Variants in ACADL observed in about 807,000 individuals in gnomAD.
ACADL encodes the protein acyl-CoA dehydrogenase long chain.
Under a neutral mutation model 56.9 loss-of-function variants are expected in ACADL, and 60 were observed. That is an observed-to-expected ratio of 1.05 (90% CI 0.86 to 1.31). The LOEUF (loss-of-function observed/expected upper bound fraction) is 1.31. Ranked by LOEUF, ACADL falls within the 50% of genes most tolerant of loss-of-function variation. ACADL has a pLI of 0.00. For synonymous variants in ACADL, 158 were observed against 179.7 expected, an observed-to-expected ratio of 0.88 and a Z score of 0.97; for missense variants, 484 against 525.5, an observed-to-expected ratio of 0.92 and a Z score of 0.77.
chr2:210,191,259 A>T (rs1462289519), intron 10 of ACADL, among the ~76,000 whole-genome samples: 1 of 152,084 alleles, frequency 6.6e-6, no homozygotes, highest in Non-Finnish European at 1.5e-5. Flanking sequence ...GAGAAATAGC[A>T]GTCTAGTTTA....
intron 5 of ACADL, among the ~76,000 whole-genome samples, chr2:210,206,852 T>C (rs577849793): frequency 2.6e-5 from 4 of 152,178 alleles, no homozygotes; most frequent in African/African-American, 9.6e-5. Flanking sequence ...GGTGTGACCA[T>C]AGCTCTTTGC....
At chr2:210,216,697 A>G (rs1229249468) in intron 3 of ACADL, 186 bp from the exon 4 acceptor site, 2 of 573,640 alleles carry the variant, frequency 3.5e-6, no homozygotes, top group South Asian at 2.0e-5. Context: ...TTCCAACACA[A>G]TAACAGTGGT....
chr2:210,220,883 G>T, intron 1 of ACADL, 81 bp from the exon 2 acceptor site: 2 of 1,145,946 alleles, frequency 1.7e-6, no homozygotes, highest in Non-Finnish European at 2.5e-6. Context: ...GAACAACATG[G>T]ATTTCTTTCA....
At chr2:210,202,585 G>C (rs1688810112) in intron 8 of ACADL, among the ~76,000 whole-genome samples, 2 of 152,028 alleles carry the variant, frequency 1.3e-5, no homozygotes, top group Non-Finnish European at 1.5e-5. Context: ...CTTTCTCAAA[G>C]ACCTTACGCA....
intron 2 of ACADL, chr2:210,218,359 C>A (rs1309519085): frequency 3.1e-4 from 124 of 395,896 alleles, no homozygotes; most frequent in Non-Finnish European, 9.0e-5. Flanking sequence ...TGGATCACTG[C>A]AGCCTCAAAA....
At chr2:210,221,929 C>T (rs1208253282) in intron 1 of ACADL, among the ~76,000 whole-genome samples, 1 of 151,918 alleles carries the variant, frequency 6.6e-6, no homozygotes, top group Non-Finnish European at 1.5e-5. Context: ...GGGGTTTCAC[C>T]ATGTTGACCA....
At chr2:210,197,367 A>G (rs1019422879) in intron 8 of ACADL, among the ~76,000 whole-genome samples, 10 of 151,836 alleles carry the variant, frequency 6.6e-5, no homozygotes, top group African/African-American at 2.4e-4. Context: ...GTTTCCCTTA[A>G]TTTTTTCTAT....
chr2:210,212,782 T>A (rs1689007004), intron 4 of ACADL, among the ~76,000 whole-genome samples: 1 of 152,088 alleles, frequency 6.6e-6, no homozygotes, highest in Non-Finnish European at 1.5e-5. Context: ...CATGCTGCTT[T>A]GTACATAACG....
At chr2:210,201,106 G>T (rs141006018) in intron 8 of ACADL, among the ~76,000 whole-genome samples, 1 of 152,148 alleles carries the variant, frequency 6.6e-6, no homozygotes, top group East Asian at 1.9e-4. Flanking sequence ...CTGGGAGGAC[G>T]GGGTGGAGCC....
At chr2:210,221,044 C>A (rs574406726) in intron 1 of ACADL, among the ~76,000 whole-genome samples, 2 of 152,108 alleles carry the variant, frequency 1.3e-5, no homozygotes, top group African/African-American at 4.8e-5. Flanking sequence ...ATCTCCAAAT[C>A]CTTAAAGAAG....
chr2:210,199,601 T>TA (rs1161577578), intron 8 of ACADL, among the ~76,000 whole-genome samples: 2 of 152,066 alleles, frequency 1.3e-5, no homozygotes, highest in Non-Finnish European at 2.9e-5. Flanking sequence ...TGGGTAATAA[T>TA]ATAGTCATCC....
intron 10 of ACADL, among the ~76,000 whole-genome samples, chr2:210,191,003 G>A (rs1301618423): frequency 6.7e-6 from 1 of 149,190 alleles, no homozygotes; most frequent in Admixed American, 6.7e-5. Flanking sequence ...TGCAACCTCC[G>A]CCTCTCGGGT....
intron 10 of ACADL, among the ~76,000 whole-genome samples, chr2:210,191,955 G>A (rs1688639928): frequency 6.6e-6 from 1 of 152,042 alleles, no homozygotes; most frequent in Non-Finnish European, 1.5e-5. Context: ...TATGAATGGG[G>A]ACACTGCCTA....
At chr2:210,223,614 T>C (rs1689213612) in intron 1 of ACADL, among the ~76,000 whole-genome samples, 1 of 152,172 alleles carries the variant, frequency 6.6e-6, no homozygotes, top group African/African-American at 2.4e-5. Flanking sequence ...TGAGGGTAGA[T>C]TTTCTTGCCA....
chr2:210,225,134 C>A (rs991407845), intron 1 of ACADL, 53 bp downstream of exon 1: 1 of 1,527,376 alleles, frequency 6.5e-7, no homozygotes, highest in African/African-American at 1.4e-5. Context: ...GACTCGCTGC[C>A]CCACCCCACA....
At chr2:210,211,705 G>C (rs1011634720) in intron 4 of ACADL, among the ~76,000 whole-genome samples, 2 of 152,238 alleles carry the variant, frequency 1.3e-5, no homozygotes, top group East Asian at 1.9e-4. Flanking sequence ...TTCCTATACA[G>C]CTGGTGGAAC....
At chr2:210,216,633 A>G (rs1689091429) in intron 3 of ACADL, 122 bp from the exon 4 acceptor site, 1 of 891,566 alleles carries the variant, frequency 1.1e-6, no homozygotes, top group South Asian at 1.5e-5. Flanking sequence ...TCACAAACCT[A>G]TGACATTCCT....
rs1688667978 is a variant in ACADL, at chr2:210,193,535, G to A, written c.1113-645C>T. On this transcript the variant is annotated intron_variant, in intron 9 of 10. Coordinates refer to ENST00000233710, the MANE Select transcript of ACADL (RefSeq NM_001608.4). ...TTGTATACATAAACATGCAGTGCTT[G>A]AGAAAAATTCTTTTCTGATAATATC... Among the ~76,000 whole-genome samples, 4 of 152,220 alleles carry A rather than the reference G, an allele frequency of 2.6e-5. No individual in the cohort carries two copies. In the South Asian group the frequency reaches 6.2e-4, roughly 24 times the overall value.
chr2:210,215,301 C>G lies in ACADL; in HGVS notation c.536+1046G>C, dbSNP rs542346012. ...ACCACCTCACTCCCATAAAAGGTAACTTCTGCCCCTCCACCCCACTGAAAT... is the reference window on the plus strand; with the variant it reads ...ACCACCTCACTCCCATAAAAGGTAAGTTCTGCCCCTCCACCCCACTGAAAT... On this transcript the variant is annotated intron_variant, in intron 4 of 10. Transcript: ENST00000233710. 3.9e-4 allele frequency among the ~76,000 whole-genome samples: 60 copies of G among 152,122 alleles called. No individual in the cohort carries two copies. The South Asian group carries it at 4.1e-3, about 11-fold the overall frequency.
Sources: gnomAD v4.1 joint callset for allele counts (sites outside exome capture counted in the v4.1 genomes callset) on GRCh38, gnomAD v4.1.1 for gene constraint, MANE v1.5 for transcripts, NCBI Gene and HGNC (gene_info 2026-07-23, HGNC 2026-07-21) for gene names.